The following LMTK2 variants were observed in gnomAD, a reference collection of about 807,000 sequenced individuals.
LMTK2 encodes the protein serine/threonine-protein kinase LMTK2.
A neutral mutation model predicts 127.5 loss-of-function variants in LMTK2; 37 were observed. That is an observed-to-expected ratio of 0.29 (90% CI 0.22 to 0.38). LMTK2 has a LOEUF of 0.38. Among genes scored for constraint, LMTK2 ranks in the 10% least tolerant of loss-of-function variants. The pLI, the probability that LMTK2 is intolerant of heterozygous loss-of-function variation, is 1.00. For missense variants in LMTK2, 1,694 were observed against 1,920.3 expected, an observed-to-expected ratio of 0.88 and a Z score of 2.20; for synonymous variants, 819 against 810.1, an observed-to-expected ratio of 1.01 and a Z score of -0.19.
intron 6 of LMTK2, among the ~76,000 whole-genome samples, chr7:98,159,775 G>C (rs2116401714): frequency 6.6e-6 from 1 of 152,258 alleles, no homozygotes; most frequent in South Asian, 2.1e-4. Context: ...GTCTAGATGT[G>C]CCCTCCTAAG....
chr7:98,136,634 G>A (rs949462428), intron 1 of LMTK2, among the ~76,000 whole-genome samples: 1 of 152,146 alleles, frequency 6.6e-6, no homozygotes, highest in African/African-American at 2.4e-5. Flanking sequence ...CGCCTGGTGG[G>A]AGCCACCTGG....
intron 3 of LMTK2, among the ~76,000 whole-genome samples, chr7:98,147,534 T>C (rs1365615239): frequency 6.6e-6 from 1 of 152,236 alleles, no homozygotes; most frequent in Non-Finnish European, 1.5e-5. Flanking sequence ...CAAGTTTATC[T>C]TACTTGGAGT....
rs1019451874 is a variant in LMTK2, at chr7:98,208,849, G to A, written c.*3357G>A. The A allele has an allele frequency of 3.9e-5, 6 of 152,248 alleles. No homozygotes were observed. The highest frequency in any genetic ancestry group is 1.4e-4 in the African/African-American group (6 of 41,468). The allele number at this position is 152,248 out of a possible 1,614,324, so 9.4% of individuals were successfully genotyped here. ...CAGGTTCGATCGTTTCTATAGAAATGGGTTTATCTAAGAAAAGTCTTGGTT... is the reference window on the plus strand; with the variant it reads ...CAGGTTCGATCGTTTCTATAGAAATAGGTTTATCTAAGAAAAGTCTTGGTT... On this transcript the variant is annotated 3_prime_UTR_variant, in exon 14 of 14. Transcript: ENST00000297293.
At chr7:98,176,589 A>G (rs1797281130) in intron 7 of LMTK2, among the ~76,000 whole-genome samples, 1 of 152,220 alleles carries the variant, frequency 6.6e-6, no homozygotes, top group Non-Finnish European at 1.5e-5. Flanking sequence ...TCACACCTGT[A>G]ATCTCAGCAC....
chr7:98,164,854 C>A (rs572397575), intron 6 of LMTK2, among the ~76,000 whole-genome samples: 1 of 152,224 alleles, frequency 6.6e-6, no homozygotes, highest in African/African-American at 2.4e-5. Context: ...TCTTATTGGT[C>A]AGCAATTTCT....
At chr7:98,137,529 G>A (rs771824402) in intron 2 of LMTK2, 87 bp downstream of exon 2, 3 of 1,312,536 alleles carry the variant, frequency 2.3e-6, no homozygotes, top group Non-Finnish European at 3.1e-6. Context: ...TTTGGGAACA[G>A]GATCAGCAGA....
chr7:98,186,900 T>C lies in LMTK2; in HGVS notation c.900T>C (p.Asp300=), dbSNP rs1441915970. 4 of 1,613,038 alleles carry C rather than the reference T, an allele frequency of 2.5e-6. No homozygotes were observed. The highest frequency in any genetic ancestry group is 3.3e-5 in the Admixed American group (2 of 59,948). The change falls in exon 9 of 14, where the codon GAT becomes GAC. Residue 300 remains aspartate (D), a synonymous_variant. Transcript: ENST00000297293. ...RYKEDYIETD[D]KKVFPLRWTA... is the part of the protein sequence containing the mutation. ...AGGAGGATTATATTGAAACAGATGA[T>C]AAAAAAGTTTTCCCTCTGCGATGGA...
intron 4 of LMTK2, 78 bp downstream of exon 4, chr7:98,151,533 G>A: frequency 8.2e-7 from 1 of 1,220,750 alleles, no homozygotes; most frequent in East Asian, 2.4e-5. Context: ...GAATTGTGTT[G>A]TGTGGAGTTC....
Position 98,205,679 on chromosome 7 carries a change from G to A in LMTK2, c.*187G>A. The A allele has an allele frequency of 1.5e-6, 1 of 648,504 alleles. No individual in the cohort carries two copies. Among genetic ancestry groups the A allele is most frequent in the South Asian group, 1.9e-5 (1 of 54,004 alleles). The allele number at this position is 648,504 out of a possible 1,614,324, so 40.2% of individuals were successfully genotyped here. On this transcript the variant is annotated 3_prime_UTR_variant, in exon 14 of 14. Coordinates refer to ENST00000297293, the MANE Select transcript of LMTK2 (RefSeq NM_014916.4). ...CGGGGCCCTCGGGAGCCCAGGTGCAGAGCGAGGCCGTGTCCAGGAGCCGGC... is the reference window on the plus strand; with the variant it reads ...CGGGGCCCTCGGGAGCCCAGGTGCAAAGCGAGGCCGTGTCCAGGAGCCGGC...
intron 11 of LMTK2, among the ~76,000 whole-genome samples, chr7:98,196,312 T>C (rs1797621670): frequency 6.6e-6 from 1 of 152,110 alleles, no homozygotes; most frequent in South Asian, 2.1e-4. Context: ...GATCTCGAAC[T>C]CAGGAGCCTC....
At chr7:98,108,089 T>G (rs1796144454) in intron 1 of LMTK2, among the ~76,000 whole-genome samples, 1 of 152,234 alleles carries the variant, frequency 6.6e-6, no homozygotes, top group African/African-American at 2.4e-5. Context: ...CGCCATTACC[T>G]TTGAAATGGG....
chr7:98,146,613 G>A (rs535910760), intron 3 of LMTK2, among the ~76,000 whole-genome samples: 1 of 152,192 alleles, frequency 6.6e-6, no homozygotes, highest in Non-Finnish European at 1.5e-5. Flanking sequence ...ATTGATACCA[G>A]CTTAGCTTCA....
At position 98,163,968 on chromosome 7, in the gene LMTK2, C is replaced by T. The variant is rs181734265; in HGVS notation, c.657+4543C>T. Among the ~76,000 whole-genome samples the T allele has an allele frequency of 1.1e-3, 172 of 152,314 alleles. 1 individual carries two copies. In the Middle Eastern group the frequency reaches 0.014, roughly 12 times the overall value. The stretch of plus-strand genomic sequence containing the variant: ...TTGAATGAACAGTGGCCTTTTCAGT[C>T]GTCATCCTGCAGTCATCATGCCCAA... On this transcript the variant is annotated intron_variant, in intron 6 of 13. Transcript: ENST00000297293.
At chr7:98,196,130 A>C (rs1311570559) in intron 11 of LMTK2, among the ~76,000 whole-genome samples, 1 of 151,706 alleles carries the variant, frequency 6.6e-6, no homozygotes, top group Non-Finnish European at 1.5e-5. Context: ...CAGAGGTTGC[A>C]GTGAGCCAAG....
chr7:98,129,541 CT>C (rs1311598712), intron 1 of LMTK2, among the ~76,000 whole-genome samples: 1 of 151,766 alleles, frequency 6.6e-6, no homozygotes, highest in Non-Finnish European at 1.5e-5. Context: ...ATTTTTCACA[CT>C]TTTTGTAGAG....
chr7:98,196,587 G>A (rs190824598), intron 11 of LMTK2, among the ~76,000 whole-genome samples: 55 of 152,328 alleles, frequency 3.6e-4, no homozygotes, highest in Non-Finnish European at 6.5e-4. Flanking sequence ...AAAGCCTGGG[G>A]GTAGCTGGAG....
rs1253529215 is a variant in LMTK2, at chr7:98,161,986, T to C, written c.657+2561T>C. Among the ~76,000 whole-genome samples, 4 of 152,346 alleles carry C rather than the reference T, an allele frequency of 2.6e-5. No individual in the cohort carries two copies. The East Asian group carries it at 7.7e-4, about 29-fold the overall frequency. On this transcript the variant is annotated intron_variant, in intron 6 of 13. Transcript: ENST00000297293. ...CGTTTCCCGGCTGATGGAGGTGGCT[T>C]GGAAAACTATCTCATATATTTTAGC...
chr7:98,145,269 T>C (rs1796754101), intron 3 of LMTK2, among the ~76,000 whole-genome samples: 1 of 43,398 alleles, frequency 2.3e-5, no homozygotes, highest in African/African-American at 9.2e-5. Context: ...GGAATCAAAA[T>C]GGTACACTAA....
At chr7:98,115,446 A>G (rs923414321) in intron 1 of LMTK2, among the ~76,000 whole-genome samples, 2 of 151,964 alleles carry the variant, frequency 1.3e-5, no homozygotes, top group African/African-American at 4.8e-5. Context: ...GAAAGAGAAG[A>G]AAAAAAGAAA....
Sources: gnomAD v4.1 joint callset for allele counts (sites outside exome capture counted in the v4.1 genomes callset) on GRCh38, gnomAD v4.1.1 for gene constraint, MANE v1.5 for transcripts, NCBI Gene and HGNC (gene_info 2026-07-23, HGNC 2026-07-21) for gene names.